Variants in SLC16A12 observed in about 807,000 individuals in gnomAD.
The protein encoded by SLC16A12 is monocarboxylate transporter 12.
SLC16A12 carries 17 observed loss-of-function variants against 42.4 expected under a neutral mutation model. The observed-to-expected ratio is 0.40, with a 90% confidence interval of 0.27 to 0.60. The LOEUF (loss-of-function observed/expected upper bound fraction) is 0.60, where lower values mean the gene tolerates loss of function less well. SLC16A12 is among the 20% of genes least tolerant of loss of function. SLC16A12 has a pLI of 0.42. For synonymous variants in SLC16A12, 224 were observed against 229.4 expected, an observed-to-expected ratio of 0.98 and a Z score of 0.21; for missense variants, 544 against 623.0, an observed-to-expected ratio of 0.87 and a Z score of 1.35.
chr10:89,542,306 CTTTTTTTTT>C (rs200847363), intron 2 of SLC16A12, among the ~76,000 whole-genome samples: 1 of 137,026 alleles, frequency 7.3e-6, no homozygotes, highest in Non-Finnish European at 1.6e-5. Flanking sequence ...CTTTTTTTTT[CTTTTTTTTT>C]TTTTTGAGAT....
At chr10:89,534,162 A>C (rs1054214405) in intron 2 of SLC16A12, among the ~76,000 whole-genome samples, 3 of 151,758 alleles carry the variant, frequency 2.0e-5, no homozygotes, top group African/African-American at 7.3e-5. Flanking sequence ...TACTACCACT[A>C]CTCTTTTACA....
At chr10:89,476,141 A>G (rs1021478567) in intron 2 of SLC16A12, among the ~76,000 whole-genome samples, 2 of 152,130 alleles carry the variant, frequency 1.3e-5, no homozygotes, top group African/African-American at 4.8e-5. Context: ...CTTTTATTCT[A>G]ATTTTGTACT....
At chr10:89,522,403 T>C (rs190314164) in intron 2 of SLC16A12, among the ~76,000 whole-genome samples, 1 of 152,318 alleles carries the variant, frequency 6.6e-6, no homozygotes, top group East Asian at 1.9e-4. Context: ...ATCACTTCAA[T>C]TGCTCTCTTG....
At chr10:89,489,231 A>G (rs1842811129) in intron 2 of SLC16A12, among the ~76,000 whole-genome samples, 1 of 152,210 alleles carries the variant, frequency 6.6e-6, no homozygotes, top group Non-Finnish European at 1.5e-5. Context: ...TTGGTTCACA[A>G]TGGCTTTTTG....
chr10:89,471,433 T>C (rs1244991003), intron 2 of SLC16A12, among the ~76,000 whole-genome samples: 1 of 152,262 alleles, frequency 6.6e-6, no homozygotes, highest in African/African-American at 2.4e-5. Context: ...AGATAATGTT[T>C]TGAAATCATT....
At chr10:89,449,119 AATGGAATAACATTCC>A (rs1842049725) in intron 3 of SLC16A12, among the ~76,000 whole-genome samples, 1 of 152,246 alleles carries the variant, frequency 6.6e-6, no homozygotes, top group Non-Finnish European at 1.5e-5. Flanking sequence ...GACACAAACA[AATGGAATAACATTCC>A]ATGCTCGTGG....
rs373865911 is a variant in SLC16A12 at position 89,518,756 on chromosome 10, C to G, written c.-47+15745G>C. Among the ~76,000 whole-genome samples the G allele has an allele frequency of 5.9e-5, 9 of 152,230 alleles. No individual in the cohort carries two copies. The East Asian group carries it at 1.7e-3, about 29-fold the overall frequency. The stretch of plus-strand genomic sequence containing the variant: ...TCATAGGGTTACTCTGAGGCCCAGC[C>G]CCCAAAGAGCACTCTCTTTCCACCT... On this transcript the variant is annotated intron_variant, in intron 2 of 7. Transcript: ENST00000371790.
At chr10:89,492,619 G>A (rs1842863418) in intron 2 of SLC16A12, among the ~76,000 whole-genome samples, 1 of 152,072 alleles carries the variant, frequency 6.6e-6, no homozygotes, top group Admixed American at 6.5e-5. Flanking sequence ...AAACACAAGA[G>A]TGCGATGGTG....
chr10:89,489,531 G>A (rs1481959132), intron 2 of SLC16A12, among the ~76,000 whole-genome samples: 3 of 151,748 alleles, frequency 2.0e-5, no homozygotes, highest in African/African-American at 4.8e-5. Context: ...TTGTAGAGAC[G>A]GGCTCTCCCC....
In SLC16A12 at chr10:89,486,666, A is replaced by AGAAC. The variant is rs1564586002; in HGVS notation, c.-46-24043_-46-24042insGTTC. 3.5e-4 allele frequency among the ~76,000 whole-genome samples: 40 copies of AGAAC among 113,128 alleles called. 1 individual carries two copies. Among genetic ancestry groups the AGAAC allele is most frequent in the African/African-American group, 1.6e-3 (38 of 24,210 alleles). The allele number at this position is 113,128 out of a possible 152,430, so 74.2% of individuals were successfully genotyped here. On this transcript the variant is annotated intron_variant, in intron 2 of 7. Transcript: ENST00000371790. ...AAGAAAGAAAGAAAGAAAGAAAGAA[A>AGAAC]AGAAAGAAAGAAAGAAAAGAAAGAA...
chr10:89,481,341 CA>C (rs546122083), intron 2 of SLC16A12, among the ~76,000 whole-genome samples: 1 of 152,166 alleles, frequency 6.6e-6, no homozygotes, highest in African/African-American at 2.4e-5. Flanking sequence ...TAAGTGTGTA[CA>C]TTTTTTTTTC....
intron 2 of SLC16A12, among the ~76,000 whole-genome samples, chr10:89,488,022 T>C (rs1842789754): frequency 7.0e-6 from 1 of 143,224 alleles, no homozygotes; most frequent in African/African-American, 2.5e-5. Flanking sequence ...TATACCATAT[T>C]AATATATATT....
In SLC16A12 at chr10:89,436,219, C is replaced by T. The variant is rs142329889; in HGVS notation, c.1129G>A (p.Val377Met). ...TAGCCAAAGGTACAAGAGAAAGGCA[C>T]GAGCAGAGGGAGACTTTGAAGCATT... ...LPMLQSLPLL[V>M]PFSCTFGYFD... is the part of the protein sequence containing the mutation. Residue 377 changes from valine (V) to methionine (M), a missense_variant, in exon 7 of 8, where the codon GTG becomes ATG. By Grantham distance (21) the Val-to-Met change is conservative. Transcript: ENST00000371790. 127 of 1,613,992 alleles carry T rather than the reference C, an allele frequency of 7.9e-5. No homozygotes were observed. The highest frequency in any genetic ancestry group is 3.3e-4 in the Middle Eastern group (2 of 6,062).
At chr10:89,531,691 A>G (rs1427675824) in intron 2 of SLC16A12, among the ~76,000 whole-genome samples, 1 of 152,176 alleles carries the variant, frequency 6.6e-6, no homozygotes, top group African/African-American at 2.4e-5. Flanking sequence ...CTATTATATG[A>G]CCCAACACAG....
chr10:89,469,400 C>T (rs775889138), intron 2 of SLC16A12, among the ~76,000 whole-genome samples: 4 of 152,188 alleles, frequency 2.6e-5, no homozygotes, highest in Non-Finnish European at 5.9e-5. Flanking sequence ...TCAGTAAACT[C>T]GCAGTAAAGC....
At chr10:89,547,874 G>A (rs1208735806) in intron 2 of SLC16A12, among the ~76,000 whole-genome samples, 1 of 151,272 alleles carries the variant, frequency 6.6e-6, no homozygotes, top group Admixed American at 6.6e-5. Context: ...TGTAATCCCA[G>A]GTGCTCAGGA....
At chr10:89,492,650 T>TTTGGGC (rs1842863979) in intron 2 of SLC16A12, among the ~76,000 whole-genome samples, 1 of 152,146 alleles carries the variant, frequency 6.6e-6, no homozygotes, top group South Asian at 2.1e-4. Flanking sequence ...AAGTAATTTA[T>TTTGGGC]TTGGGCAAGT....
Position 89,443,870 on chromosome 10 carries a change from C to T in SLC16A12, c.201-11G>A, listed in dbSNP as rs371588617. ...AAAATTGAGATACATCTGAAAAATA[C>T]AATGCAGGCATTTTATACAAAAAAT... On this transcript the variant is annotated splice_polypyrimidine_tract_variant and intron_variant, in intron 3 of 7. Coordinates refer to ENST00000371790, the MANE Select transcript of SLC16A12 (RefSeq NM_213606.4). 1.0e-5 allele frequency: 16 copies of T among 1,531,786 alleles called. No individual in the cohort carries two copies. The highest frequency in any genetic ancestry group is 1.4e-5 in the Non-Finnish European group (15 of 1,105,342). 94.9% of individuals were successfully genotyped at this position (1,531,786 alleles called of 1,614,324 possible). A position where few individuals can be genotyped will look rare whatever the true frequency, so the allele number is the denominator to read the frequency against.
At chr10:89,486,603 AAAAGAAAGAAAGAAAG>A (rs141642264) in intron 2 of SLC16A12, among the ~76,000 whole-genome samples, 1,274 of 70,396 alleles carry the variant, frequency 0.018, 46 homozygotes, top group African/African-American at 0.047. Context: ...AAAAAAAAAA[AAAAGAAAGAAAGAAAG>A]AAAGAAAGAA....
Sources: allele counts gnomAD v4.1 joint callset (sites outside exome capture counted in the v4.1 genomes callset), GRCh38; gene constraint gnomAD v4.1.1; transcripts MANE v1.5; gene names NCBI Gene and HGNC (gene_info 2026-07-23, HGNC 2026-07-21).